The following C3orf49 variants were observed in gnomAD, a reference collection of about 807,000 sequenced individuals.
C3orf49 encodes the protein putative uncharacterized protein C3orf49.
In C3orf49, 27 loss-of-function variants were observed where a neutral mutation model predicts 13.3. The ratio of observed to expected loss-of-function variants is 2.02; its 90% CI spans 1.49 to 2.79. The LOEUF is 2.79. Among genes scored for constraint, C3orf49 ranks in the 30% most tolerant of loss-of-function variants. The pLI, the probability that C3orf49 is intolerant of heterozygous loss-of-function variation, is 0.00. For missense variants in C3orf49, 242 were observed against 134.2 expected (o/e 1.80, Z -3.97); for synonymous variants, 87 against 47.6 (o/e 1.83, Z -3.40).
At chr3:63,844,604 T>C (rs552163617) in intron 5 of C3orf49, among the ~76,000 whole-genome samples, 1 of 152,316 alleles carries the variant, frequency 6.6e-6, no homozygotes, top group Admixed American at 6.5e-5. Context: ...GACTGTGCCC[T>C]GATGAACAGG....
At chr3:63,837,755 G>A (rs979714834) in intron 5 of C3orf49, among the ~76,000 whole-genome samples, 4 of 151,850 alleles carry the variant, frequency 2.6e-5, no homozygotes, top group African/African-American at 9.7e-5. Flanking sequence ...AAACAGAAAA[G>A]AAATACTTGG....
the C3orf49 span, among the ~76,000 whole-genome samples, chr3:63,780,222 T>C: frequency 1.3e-5 from 2 of 152,298 alleles, no homozygotes; most frequent in South Asian, 4.1e-4. Flanking sequence ...TTCCCACCTA[T>C]GAGTGAGAAC....
chr3:63,783,854 G>A, the C3orf49 span, among the ~76,000 whole-genome samples: 1 of 152,100 alleles, frequency 6.6e-6, no homozygotes, highest in African/African-American at 2.4e-5. Context: ...CTAGCTGAAT[G>A]CTGGAGGGTT....
the C3orf49 span, among the ~76,000 whole-genome samples, chr3:63,813,544 CA>C: frequency 3.3e-5 from 5 of 151,998 alleles, no homozygotes; most frequent in African/African-American, 1.2e-4. Flanking sequence ...CAGCAATCAA[CA>C]CAAAAAACAA....
chr3:63,800,049 A>T, the C3orf49 span, among the ~76,000 whole-genome samples: 2 of 152,190 alleles, frequency 1.3e-5, no homozygotes, highest in South Asian at 2.1e-4. Context: ...GAAGGGAAGC[A>T]ATTACCTGGA....
chr3:63,794,050 G>A, the C3orf49 span, among the ~76,000 whole-genome samples: 1 of 152,186 alleles, frequency 6.6e-6, no homozygotes, highest in African/African-American at 2.4e-5. Context: ...TGCTACTTAG[G>A]AAGCTGAGAT....
At chr3:63,818,883 C>G (rs966806429), upstream of C3orf49, among the ~76,000 whole-genome samples, 5 of 152,172 alleles carry the variant, frequency 3.3e-5, no homozygotes, top group Non-Finnish European at 7.4e-5. Flanking sequence ...GAAAACCACC[C>G]TTGGGGTACA....
chr3:63,843,943 A>C (rs990058758), intron 5 of C3orf49, among the ~76,000 whole-genome samples: 6 of 152,256 alleles, frequency 3.9e-5, no homozygotes, highest in Admixed American at 3.3e-4. Context: ...GTATATATAT[A>C]TGTGTGTATG....
chr3:63,787,484 C>T, the C3orf49 span, among the ~76,000 whole-genome samples: 1 of 152,046 alleles, frequency 6.6e-6, no homozygotes, highest in Non-Finnish European at 1.5e-5. Context: ...GAGCAATGCA[C>T]ATGGGGAAGC....
the C3orf49 span, chr3:63,804,900 T>C: frequency 6.6e-6 from 1 of 152,148 alleles, no homozygotes; most frequent in South Asian, 2.1e-4. Flanking sequence ...ATTTTTAGAG[T>C]GTTTGACATA....
chr3:63,844,732 T>A (rs550987460), intron 5 of C3orf49, among the ~76,000 whole-genome samples: 1 of 152,180 alleles, frequency 6.6e-6, no homozygotes, highest in African/African-American at 2.4e-5. Context: ...GTGATACCTT[T>A]TGCCATGTTA....
chr3:63,803,576 G>A, the C3orf49 span, among the ~76,000 whole-genome samples: 3 of 152,220 alleles, frequency 2.0e-5, no homozygotes, highest in African/African-American at 7.2e-5. Flanking sequence ...AGCAGCATAA[G>A]CTTCATGTTC....
upstream of C3orf49, among the ~76,000 whole-genome samples, chr3:63,816,764 CTTTTCT>C (rs1701328700): frequency 2.5e-5 from 2 of 80,700 alleles, no homozygotes; most frequent in African/African-American, 8.1e-5. Flanking sequence ...ATTTTCTTTT[CTTTTCT>C]TTTTTTTTTT....
chr3:63,823,753 T>C (rs1474884257), intron 2 of C3orf49, among the ~76,000 whole-genome samples, 184 bp downstream of exon 2: 3 of 150,834 alleles, frequency 2.0e-5, no homozygotes, highest in African/African-American at 4.9e-5. Flanking sequence ...AGTTGGCTTG[T>C]ATGTTCATAC....
the C3orf49 span, among the ~76,000 whole-genome samples, chr3:63,786,377 G>A: frequency 7.9e-5 from 12 of 151,854 alleles, no homozygotes; most frequent in Non-Finnish European, 1.8e-4. Flanking sequence ...GTTCTCTTAT[G>A]TTCAGTATGT....
At chr3:63,822,255 G>C (rs1000183844) in intron 1 of C3orf49, among the ~76,000 whole-genome samples, 1 of 152,168 alleles carries the variant, frequency 6.6e-6, no homozygotes, top group African/African-American at 2.4e-5. Flanking sequence ...GATTACAGGC[G>C]TAAGCCACCG....
chr3:63,785,061 TC>T, the C3orf49 span, among the ~76,000 whole-genome samples: 9 of 122,844 alleles, frequency 7.3e-5, no homozygotes, highest in South Asian at 6.8e-4. Flanking sequence ...CTTCTCTTCT[TC>T]TTCTTTTTTT....
Position 63,844,205 on chromosome 3 carries a change from G to A in C3orf49, c.850-818G>A, listed in dbSNP as rs1036437126. ...GGTTACCAAAGGCTGGGGTGGCTAG[G>A]GAGAAGGAGGTTGGGGAAATGTTAG... On this transcript the variant is annotated intron_variant, in intron 5 of 6. Transcript: ENST00000295896. Among the ~76,000 whole-genome samples, 6 of 152,162 alleles carry A rather than the reference G, an allele frequency of 3.9e-5. No homozygotes were observed. The East Asian group carries it at 9.6e-4, about 24-fold the overall frequency.
At chr3:63,833,505 CAG>C (rs2107111137) in intron 5 of C3orf49, 2 of 152,258 alleles carry the variant, frequency 1.3e-5, no homozygotes, top group African/African-American at 4.8e-5. Flanking sequence ...GTAGAGAAAA[CAG>C]ATCAACAAAA....
Sources: gnomAD v4.1 joint callset for allele counts (sites outside exome capture counted in the v4.1 genomes callset) on GRCh38, gnomAD v4.1.1 for gene constraint, MANE v1.5 for transcripts, NCBI Gene and HGNC (gene_info 2026-07-23, HGNC 2026-07-21) for gene names.